Variants in NRG3 observed in about 807,000 individuals in gnomAD.
NRG3 encodes the protein pro-neuregulin-3, membrane-bound isoform.
In NRG3, 31 loss-of-function variants were observed where a neutral mutation model predicts 66.9. That is an observed-to-expected ratio of 0.46 (90% confidence interval 0.35 to 0.63). NRG3 has a LOEUF of 0.63. Among genes scored for constraint, NRG3 ranks in the 20% least tolerant of loss-of-function variants. NRG3 has a pLI of 0.00. For missense variants in NRG3, 910 were observed against 878.9 expected (o/e 1.04, Z -0.45); for synonymous variants, 393 against 359.4 (o/e 1.09, Z -1.06).
chr10:82,122,738 T>G (rs970850354), intron 1 of NRG3, among the ~76,000 whole-genome samples: 1 of 152,194 alleles, frequency 6.6e-6, no homozygotes, highest in African/African-American at 2.4e-5. Flanking sequence ...ATTATTTGAC[T>G]AAACAGGAAC....
At chr10:82,013,765 A>G (rs2061675927) in intron 1 of NRG3, among the ~76,000 whole-genome samples, 1 of 152,164 alleles carries the variant, frequency 6.6e-6, no homozygotes, top group African/African-American at 2.4e-5. Flanking sequence ...ATGCAATTAT[A>G]TGTCTAATGT....
intron 3 of NRG3, among the ~76,000 whole-genome samples, chr10:82,763,986 T>C (rs576361785): frequency 1.3e-5 from 2 of 152,312 alleles, no homozygotes; most frequent in Admixed American, 6.5e-5. Context: ...TTAATGTGGA[T>C]AGTGGAAAAT....
chr10:82,861,351 A>T lies in NRG3; in HGVS notation c.1028-4060A>T, dbSNP rs2064118148. Among the ~76,000 whole-genome samples the T allele has an allele frequency of 2.6e-5, 4 of 152,342 alleles. No individual in the cohort carries two copies. In the South Asian group the frequency reaches 8.3e-4, roughly 32 times the overall value. On this transcript the variant is annotated intron_variant, in intron 3 of 8. Transcript: ENST00000372141. ...CATCTTCCTTGAGAGTATTTCTGAA[A>T]GTTAAAAACTCTAATAATTGGATAA...
At chr10:81,940,718 G>A (rs1175319584) in intron 1 of NRG3, among the ~76,000 whole-genome samples, 1 of 151,932 alleles carries the variant, frequency 6.6e-6, no homozygotes, top group East Asian at 1.9e-4. Context: ...AAAAAGGCTG[G>A]AAAATGTAGT....
intron 2 of NRG3, among the ~76,000 whole-genome samples, chr10:82,633,375 G>A (rs1185791007): frequency 1.3e-5 from 2 of 152,186 alleles, no homozygotes; most frequent in East Asian, 1.9e-4. Context: ...AAGAAGGGGA[G>A]ACTAAGTTCT....
At chr10:82,705,772 T>C (rs2056245923) in intron 2 of NRG3, among the ~76,000 whole-genome samples, 1 of 152,164 alleles carries the variant, frequency 6.6e-6, no homozygotes, top group Non-Finnish European at 1.5e-5. Flanking sequence ...GATCCACCCA[T>C]GTTAAAGTGT....
chr10:82,716,296 A>G (rs1456859269), intron 2 of NRG3, among the ~76,000 whole-genome samples: 2 of 152,206 alleles, frequency 1.3e-5, no homozygotes, highest in African/African-American at 4.8e-5. Context: ...ATACACACGT[A>G]TAACATACAC....
intron 4 of NRG3, among the ~76,000 whole-genome samples, chr10:82,893,301 C>G (rs768944659): frequency 6.6e-6 from 1 of 152,088 alleles, no homozygotes; most frequent in Non-Finnish European, 1.5e-5. Flanking sequence ...AAAAGGAAGA[C>G]CAGTTATGCC....
chr10:81,926,682 C>A (rs1564663596), intron 1 of NRG3, among the ~76,000 whole-genome samples: 2 of 151,998 alleles, frequency 1.3e-5, no homozygotes, highest in Non-Finnish European at 2.9e-5. Context: ...CCCTGCCTTC[C>A]CAAATCAGTT....
At chr10:82,214,925 C>G (rs928725887) in intron 1 of NRG3, among the ~76,000 whole-genome samples, 1 of 152,178 alleles carries the variant, frequency 6.6e-6, no homozygotes, top group African/African-American at 2.4e-5. Flanking sequence ...GCTATGGCAT[C>G]ACTGATCTCA....
At chr10:82,288,508 T>C (rs182720341) in intron 1 of NRG3, among the ~76,000 whole-genome samples, 2 of 152,238 alleles carry the variant, frequency 1.3e-5, no homozygotes, top group East Asian at 1.9e-4. Flanking sequence ...AGCCTGAACA[T>C]GGGCCAGGAT....
At chr10:81,962,797 T>G (rs1431873809) in intron 1 of NRG3, among the ~76,000 whole-genome samples, 1 of 152,208 alleles carries the variant, frequency 6.6e-6, no homozygotes, top group Non-Finnish European at 1.5e-5. Flanking sequence ...GAGCTGGTCT[T>G]GCTCTCACAT....
intron 5 of NRG3, among the ~76,000 whole-genome samples, chr10:82,953,084 T>G (rs1849692492): frequency 6.6e-6 from 1 of 151,912 alleles, no homozygotes; most frequent in African/African-American, 2.4e-5. Flanking sequence ...AAGGCCCTTT[T>G]GTTAATGCCA....
At chr10:82,678,926 A>T (rs1361036688) in intron 2 of NRG3, among the ~76,000 whole-genome samples, 1 of 152,146 alleles carries the variant, frequency 6.6e-6, no homozygotes, top group Non-Finnish European at 1.5e-5. Flanking sequence ...GTAATGATGG[A>T]CTCACAAATA....
At chr10:82,823,763 G>A (rs2062057457) in intron 3 of NRG3, among the ~76,000 whole-genome samples, 1 of 152,058 alleles carries the variant, frequency 6.6e-6, no homozygotes, top group African/African-American at 2.4e-5. Context: ...AGTAACCCCA[G>A]GGCTTGACTG....
intron 4 of NRG3, among the ~76,000 whole-genome samples, chr10:82,884,483 T>G (rs1300014823): frequency 6.6e-6 from 1 of 152,060 alleles, no homozygotes; most frequent in East Asian, 2.0e-4. Context: ...GATTAATGTT[T>G]AAATTCTCAT....
intron 3 of NRG3, among the ~76,000 whole-genome samples, chr10:82,779,620 G>C (rs1349459780): frequency 2.0e-5 from 3 of 151,820 alleles, no homozygotes; most frequent in Non-Finnish European, 4.4e-5. Context: ...TATTTTTTCT[G>C]CTAAGTTCCT....
At chr10:82,899,903 T>C (rs1236764127) in intron 4 of NRG3, among the ~76,000 whole-genome samples, 1 of 152,164 alleles carries the variant, frequency 6.6e-6, no homozygotes, top group Non-Finnish European at 1.5e-5. Context: ...CTAAAGATAT[T>C]GCACTAGTTT....
At chr10:82,926,253 A>G (rs1167048745) in intron 4 of NRG3, among the ~76,000 whole-genome samples, 1 of 152,222 alleles carries the variant, frequency 6.6e-6, no homozygotes, top group Non-Finnish European at 1.5e-5. Context: ...GATTGAAAGT[A>G]TATAGGAGGA....
Sources: allele counts gnomAD v4.1 joint callset (sites outside exome capture counted in the v4.1 genomes callset), GRCh38; gene constraint gnomAD v4.1.1; transcripts MANE v1.5; gene names NCBI Gene and HGNC (gene_info 2026-07-23, HGNC 2026-07-21).